Variants in EYS observed in about 807,000 individuals in gnomAD.
EYS encodes EGF-like photoreceptor maintenance factor.
Under a neutral mutation model 282.1 loss-of-function variants are expected in EYS, and 250 were observed. That is an observed-to-expected ratio of 0.89 (90% CI 0.80 to 0.98). The LOEUF (loss-of-function observed/expected upper bound fraction) is 0.98. Among genes scored for constraint, EYS ranks in the 50% least tolerant of loss-of-function variants. The probability of loss-of-function intolerance (pLI) is 0.00; values close to 1 mark genes in which losing one functional copy is unlikely to be tolerated. For synonymous variants in EYS, 1,355 were observed against 1,282.9 expected (o/e 1.06, Z -1.20); for missense variants, 4,016 against 3,709.0 (o/e 1.08, Z -2.15).
chr6:64,047,562 T>G (rs1770670615), intron 33 of EYS, among the ~76,000 whole-genome samples: 1 of 152,218 alleles, frequency 6.6e-6, no homozygotes, highest in African/African-American at 2.4e-5. Flanking sequence ...GTTGCAAAGT[T>G]TAATCACATA....
intron 18 of EYS, among the ~76,000 whole-genome samples, chr6:64,890,671 A>C (rs1006512047): frequency 6.6e-6 from 1 of 152,166 alleles, no homozygotes; most frequent in Admixed American, 6.6e-5. Flanking sequence ...TTTAACATTT[A>C]TCATGTAACT....
intron 33 of EYS, among the ~76,000 whole-genome samples, chr6:64,060,530 T>G (rs982154527): frequency 1.3e-5 from 2 of 152,152 alleles, no homozygotes; most frequent in Non-Finnish European, 2.9e-5. Context: ...ATGACCAAAA[T>G]CAATCCTACT....
At chr6:63,828,257 A>T (rs1377452663) in intron 36 of EYS, among the ~76,000 whole-genome samples, 2 of 152,224 alleles carry the variant, frequency 1.3e-5, no homozygotes, top group Non-Finnish European at 2.9e-5. Flanking sequence ...TGAAATTGAA[A>T]CTAAAAAATA....
chr6:64,970,631 A>T (rs1770257052), intron 14 of EYS, among the ~76,000 whole-genome samples: 1 of 152,218 alleles, frequency 6.6e-6, no homozygotes. Context: ...TGTGCATCAC[A>T]GTAAAAAGTG....
intron 29 of EYS, among the ~76,000 whole-genome samples, chr6:64,345,898 AACAG>A (rs1347275961): frequency 1.3e-5 from 2 of 152,336 alleles, no homozygotes; most frequent in African/African-American, 4.8e-5. Context: ...GAAGGATATG[AACAG>A]ACACTTCTCA....
At chr6:64,621,013 T>G (rs1319366262) in intron 23 of EYS, among the ~76,000 whole-genome samples, 2 of 152,010 alleles carry the variant, frequency 1.3e-5, no homozygotes, top group Non-Finnish European at 2.9e-5. Flanking sequence ...TGGAGTAAAT[T>G]TTTACTAATT....
intron 35 of EYS, among the ~76,000 whole-genome samples, chr6:63,966,586 T>C (rs1039669394): frequency 6.6e-6 from 1 of 152,198 alleles, no homozygotes; most frequent in Admixed American, 6.5e-5. Flanking sequence ...TAGGAAGCAG[T>C]AAAGGGTGAA....
At chr6:64,070,162 C>A (rs1771521542) in intron 32 of EYS, among the ~76,000 whole-genome samples, 1 of 152,002 alleles carries the variant, frequency 6.6e-6, no homozygotes, top group Admixed American at 6.6e-5. Flanking sequence ...AGTTTAGTTG[C>A]AGTGTGGAAT....
chr6:64,838,046 C>T (rs1765441608), intron 19 of EYS, among the ~76,000 whole-genome samples: 2 of 134,602 alleles, frequency 1.5e-5, no homozygotes, highest in South Asian at 4.5e-4. Flanking sequence ...TTATATATAA[C>T]CAATTTGTTT....
chr6:64,251,962 G>A (rs1312680534), intron 30 of EYS, among the ~76,000 whole-genome samples: 1 of 152,078 alleles, frequency 6.6e-6, no homozygotes, highest in Admixed American at 6.6e-5. Context: ...GGTTATTCTA[G>A]GCTGAAAAAA....
intron 26 of EYS, among the ~76,000 whole-genome samples, chr6:64,479,298 C>T (rs1290899630): frequency 6.6e-6 from 1 of 151,978 alleles, no homozygotes; most frequent in Non-Finnish European, 1.5e-5. Flanking sequence ...TGCAGAATTA[C>T]TTTCCCCTTA....
chr6:65,089,572 A>G (rs568876177), intron 12 of EYS, among the ~76,000 whole-genome samples: 6 of 152,216 alleles, frequency 3.9e-5, no homozygotes, highest in Admixed American at 6.5e-5. Context: ...TGCTTTTGAT[A>G]TTACATGTTC....
intron 35 of EYS, among the ~76,000 whole-genome samples, chr6:63,919,284 G>C (rs1024640646): frequency 6.7e-6 from 1 of 150,370 alleles, no homozygotes; most frequent in Non-Finnish European, 1.5e-5. Flanking sequence ...TCAGGGGCGG[G>C]GAAGAAGGAA....
At chr6:65,548,287 G>A (rs923017192) in intron 2 of EYS, among the ~76,000 whole-genome samples, 4 of 152,150 alleles carry the variant, frequency 2.6e-5, no homozygotes, top group Admixed American at 6.5e-5. Flanking sequence ...TTAAATTTTA[G>A]TTTGCTAAAT....
intron 12 of EYS, among the ~76,000 whole-genome samples, chr6:65,095,687 A>C (rs1444876087): frequency 6.6e-6 from 1 of 151,252 alleles, no homozygotes; most frequent in African/African-American, 2.4e-5. Context: ...AACAGAATGA[A>C]GGATAAACAT....
chr6:65,111,710 G>C (rs1345124309), intron 12 of EYS, among the ~76,000 whole-genome samples: 3 of 152,060 alleles, frequency 2.0e-5, no homozygotes, highest in Non-Finnish European at 4.4e-5. Context: ...AGCCAGGAGT[G>C]GTGGCACATG....
intron 29 of EYS, among the ~76,000 whole-genome samples, chr6:64,330,416 G>T (rs1230830907): frequency 6.6e-6 from 1 of 152,092 alleles, no homozygotes; most frequent in African/African-American, 2.4e-5. Flanking sequence ...CCAAAGGGAG[G>T]GGGGAAAGAA....
chr6:64,054,558 G>A (rs527886256), intron 33 of EYS, among the ~76,000 whole-genome samples: 6 of 152,198 alleles, frequency 3.9e-5, no homozygotes, highest in African/African-American at 1.4e-4. Flanking sequence ...ATGGAGAAAG[G>A]GGAGGTTTTC....
At position 65,001,938 on chromosome 6, in the gene EYS, A is replaced by T. The variant is rs1292710870; in HGVS notation, c.2138-4235T>A. The stretch of plus-strand genomic sequence containing the variant: ...TCAAATTTTACATTTCCCATAATAT[A>T]TTATGGTTTCAAAATTTTAATAGGT... On this transcript the variant is annotated intron_variant, in intron 13 of 42. Coordinates refer to ENST00000503581, the MANE Select transcript of EYS (RefSeq NM_001142800.2). Among the ~76,000 whole-genome samples the T allele has an allele frequency of 1.4e-5, 2 of 147,162 alleles. 1 individual carries two copies. The highest frequency in any genetic ancestry group is 3.0e-5 in the Non-Finnish European group (2 of 65,926).
Sources: allele counts gnomAD v4.1 joint callset (sites outside exome capture counted in the v4.1 genomes callset), GRCh38; gene constraint gnomAD v4.1.1; transcripts MANE v1.5; gene names NCBI Gene and HGNC (gene_info 2026-07-23, HGNC 2026-07-21).